CELF2: variants seen among roughly 807,000 people sequenced by gnomAD.
The protein encoded by CELF2 is CUG triplet repeat RNA-binding protein 2.
A neutral mutation model predicts 62.6 loss-of-function variants in CELF2; 8 were observed. The ratio of observed to expected loss-of-function variants is 0.13; its 90% CI spans 0.07 to 0.23. The LOEUF is 0.23. Among genes scored for constraint, CELF2 ranks in the 10% least tolerant of loss-of-function variants. CELF2 has a pLI of 1.00. For synonymous variants in CELF2, 258 were observed against 250.0 expected (o/e 1.03, Z -0.30); for missense variants, 333 against 671.0 (o/e 0.50, Z 5.56).
intron 1 of CELF2, among the ~76,000 whole-genome samples, chr10:11,155,090 T>G (rs189731426): frequency 1.5e-4 from 23 of 152,326 alleles, no homozygotes; most frequent in Admixed American, 1.5e-3. Flanking sequence ...ATGAGCTAAG[T>G]TTGCAGTACA....
chr10:11,125,541 G>A (rs2058540139), intron 1 of CELF2, among the ~76,000 whole-genome samples: 2 of 152,098 alleles, frequency 1.3e-5, no homozygotes, highest in South Asian at 2.1e-4. Flanking sequence ...CTCTTGAGGG[G>A]ATTAAGTCTC....
At chr10:11,251,291 T>TG (rs1172464031) in intron 4 of CELF2, among the ~76,000 whole-genome samples, 1 of 143,524 alleles carries the variant, frequency 7.0e-6, no homozygotes, top group Non-Finnish European at 1.5e-5. Flanking sequence ...TTTTTTTTTT[T>TG]TTTTTTGCAT....
intron 2 of CELF2, among the ~76,000 whole-genome samples, chr10:10,942,363 A>T (rs1013047185): frequency 1.3e-5 from 2 of 152,160 alleles, no homozygotes; most frequent in Non-Finnish European, 1.5e-5. Context: ...TGAAAACTTG[A>T]CTGTGGATGG....
chr10:11,271,168 C>T (rs1285790333), intron 7 of CELF2, among the ~76,000 whole-genome samples: 4 of 152,222 alleles, frequency 2.6e-5, no homozygotes, highest in Non-Finnish European at 5.9e-5. Flanking sequence ...GGGTCTGCGC[C>T]AGCAGGACCT....
At chr10:10,817,013 C>G (rs916381064) in intron 1 of CELF2, among the ~76,000 whole-genome samples, 2 of 152,268 alleles carry the variant, frequency 1.3e-5, no homozygotes, top group East Asian at 3.9e-4. Context: ...ATTCCAACAA[C>G]TGACTTGGAA....
chr10:10,665,534 CA>C, the CELF2 span, among the ~76,000 whole-genome samples: 1 of 152,138 alleles, frequency 6.6e-6, no homozygotes, highest in Non-Finnish European at 1.5e-5. Flanking sequence ...ACTCGTTGTC[CA>C]CCCTGGACAT....
At chr10:10,478,300 G>A in the CELF2 span, among the ~76,000 whole-genome samples, 1 of 152,130 alleles carries the variant, frequency 6.6e-6, no homozygotes. Flanking sequence ...TTATTTATTT[G>A]CTGAAGCTCA....
intron 1 of CELF2, among the ~76,000 whole-genome samples, chr10:11,034,652 G>A (rs746963145): frequency 6.6e-6 from 1 of 152,164 alleles, no homozygotes; most frequent in Admixed American, 6.5e-5. Context: ...CAAAACTGGC[G>A]ATGTGGCAGT....
intron 1 of CELF2, among the ~76,000 whole-genome samples, chr10:11,141,117 C>T (rs2061293021): frequency 6.6e-6 from 1 of 152,198 alleles, no homozygotes; most frequent in Non-Finnish European, 1.5e-5. Context: ...GTGCTCAGGT[C>T]TGAGAATGAA....
the CELF2 span, among the ~76,000 whole-genome samples, chr10:10,684,568 C>A: frequency 1.5e-4 from 22 of 147,044 alleles, no homozygotes; most frequent in Non-Finnish European, 2.5e-4. Context: ...CATGATGTGA[C>A]CCCCATCTCT....
intron 3 of CELF2, among the ~76,000 whole-genome samples, chr10:11,219,319 C>T (rs2064145175): frequency 6.6e-6 from 1 of 152,196 alleles, no homozygotes; most frequent in Non-Finnish European, 1.5e-5. Context: ...GATTCTTACA[C>T]TGACTCTTAG....
chr10:10,704,733 G>T, the CELF2 span, among the ~76,000 whole-genome samples: 1 of 152,036 alleles, frequency 6.6e-6, no homozygotes, highest in African/African-American at 2.4e-5. Context: ...TATGTCTCCT[G>T]CGTCATGTCT....
chr10:11,236,519 G>T (rs17149909), intron 3 of CELF2, among the ~76,000 whole-genome samples: 5,854 of 152,250 alleles, frequency 0.038, 325 homozygotes, highest in East Asian at 0.23. Context: ...ATTGAAACTA[G>T]TAAATACTGC....
At chr10:10,558,300 T>C in the CELF2 span, among the ~76,000 whole-genome samples, 1 of 151,902 alleles carries the variant, frequency 6.6e-6, no homozygotes, top group Non-Finnish European at 1.5e-5. Context: ...AATCATGTGT[T>C]TTTTGTCTTT....
chr10:10,753,299 C>CTGTG, the CELF2 span, among the ~76,000 whole-genome samples: 22,139 of 149,784 alleles, frequency 0.15, 1,708 homozygotes, highest in Middle Eastern at 0.17. Flanking sequence ...TTCCAAAGCT[C>CTGTG]TGTGTGTGTG....
intron 12 of CELF2, among the ~76,000 whole-genome samples, chr10:11,327,113 A>C (rs2095785016): frequency 1.4e-5 from 2 of 145,092 alleles, no homozygotes; most frequent in South Asian, 4.5e-4. Context: ...GTCAGTCGGG[A>C]CCCATTCGGC....
chr10:10,595,195 T>C, the CELF2 span, among the ~76,000 whole-genome samples: 3 of 152,198 alleles, frequency 2.0e-5, no homozygotes, highest in African/African-American at 4.8e-5. Flanking sequence ...ATAAAATTAT[T>C]TGTACAATTT....
At chr10:11,183,093 C>G (rs1483227195) in intron 2 of CELF2, among the ~76,000 whole-genome samples, 1 of 152,188 alleles carries the variant, frequency 6.6e-6, no homozygotes, top group Non-Finnish European at 1.5e-5. Context: ...CATCTCTCAC[C>G]CCTGAAAGCT....
intron 3 of CELF2, among the ~76,000 whole-genome samples, chr10:11,229,933 G>C (rs1287732203): frequency 6.6e-6 from 1 of 152,172 alleles, no homozygotes; most frequent in Non-Finnish European, 1.5e-5. Flanking sequence ...GTGCAGGCAA[G>C]TTTTAGAACT....
Sources: allele counts gnomAD v4.1 joint callset (sites outside exome capture counted in the v4.1 genomes callset), GRCh38; gene constraint gnomAD v4.1.1; transcripts MANE v1.5; gene names NCBI Gene and HGNC (gene_info 2026-07-23, HGNC 2026-07-21).